The following DCDC2 variants were observed in gnomAD, a reference collection of about 807,000 sequenced individuals.
DCDC2 encodes the protein doublecortin domain-containing protein 2.
Under a neutral mutation model 50.2 loss-of-function variants are expected in DCDC2, and 40 were observed. The observed-to-expected ratio is 0.80, with a 90% confidence interval of 0.62 to 1.04. The LOEUF (loss-of-function observed/expected upper bound fraction) is 1.04. DCDC2 is among the 50% of genes least tolerant of loss of function. DCDC2 has a pLI of 0.00. For missense variants in DCDC2, 570 were observed against 581.9 expected, an observed-to-expected ratio of 0.98 and a Z score of 0.21; for synonymous variants, 234 against 210.6, an observed-to-expected ratio of 1.11 and a Z score of -0.96.
intron 7 of DCDC2, among the ~76,000 whole-genome samples, chr6:24,235,212 G>A (rs1209401187): frequency 2.0e-5 from 3 of 152,204 alleles, no homozygotes; most frequent in Non-Finnish European, 4.4e-5. Flanking sequence ...AGAACACTGA[G>A]TTCTCTCAAA....
chr6:24,273,097 T>C (rs1006842108), intron 7 of DCDC2, among the ~76,000 whole-genome samples: 3 of 151,868 alleles, frequency 2.0e-5, no homozygotes, highest in African/African-American at 7.3e-5. Context: ...AGTAAAATAC[T>C]ATTCAGTCAT....
At chr6:24,246,733 C>A (rs759342803) in intron 7 of DCDC2, among the ~76,000 whole-genome samples, 1 of 151,886 alleles carries the variant, frequency 6.6e-6, no homozygotes, top group African/African-American at 2.4e-5. Context: ...GTGATCTGCC[C>A]GCCTCAACCT....
chr6:24,262,598 T>A (rs1763035445), intron 7 of DCDC2, among the ~76,000 whole-genome samples: 1 of 152,134 alleles, frequency 6.6e-6, no homozygotes, highest in Non-Finnish European at 1.5e-5. Flanking sequence ...TTGGGAGAGA[T>A]TCCTTCTTTC....
chr6:24,383,090 G>A, the DCDC2 span, among the ~76,000 whole-genome samples: 1 of 152,178 alleles, frequency 6.6e-6, no homozygotes, highest in Non-Finnish European at 1.5e-5. Flanking sequence ...ACTTTGGGAG[G>A]CCGAGGCAGT....
chr6:24,218,956 T>A (rs1309445872), intron 7 of DCDC2, among the ~76,000 whole-genome samples: 3 of 152,238 alleles, frequency 2.0e-5, no homozygotes, highest in African/African-American at 7.2e-5. Flanking sequence ...ATATCCTTGC[T>A]TCTTTCTTAA....
intron 8 of DCDC2, among the ~76,000 whole-genome samples, chr6:24,194,936 C>T (rs762157224): frequency 6.6e-6 from 1 of 152,096 alleles, no homozygotes; most frequent in Non-Finnish European, 1.5e-5. Flanking sequence ...GAAGTACTAC[C>T]AGGTCCATCA....
intron 9 of DCDC2, among the ~76,000 whole-genome samples, chr6:24,178,087 T>C (rs1034450516): frequency 2.7e-4 from 41 of 152,170 alleles, no homozygotes; most frequent in African/African-American, 9.7e-4. Context: ...AGTAGATGGA[T>C]GGGTCAATGG....
rs573386193 is a variant in DCDC2, at chr6:24,291,182, GTAAA to G, written c.558-108_558-105del. ...ATGTCAAAAAAATTAAAATTACATA[GTAAA>G]TAAAAACATTCTGTACTTAATTTAG... On this transcript the variant is annotated intron_variant, in intron 4 of 9. Transcript: ENST00000378454. 3.8e-4 allele frequency: 441 copies of G among 1,159,586 alleles called. No individual in the cohort carries two copies. The African/African-American group carries it at 4.2e-3, about 11-fold the overall frequency. 71.8% of individuals were successfully genotyped at this position (1,159,586 alleles called of 1,614,324 possible). A position where few individuals can be genotyped will look rare whatever the true frequency, so the allele number is the denominator to read the frequency against.
intron 2 of DCDC2, among the ~76,000 whole-genome samples, chr6:24,332,882 A>G (rs1759990997): frequency 6.6e-6 from 1 of 152,190 alleles, no homozygotes. Context: ...CAGGCATGGT[A>G]TCTAACCTCT....
chr6:24,382,064 C>A, the DCDC2 span, among the ~76,000 whole-genome samples: 12 of 152,030 alleles, frequency 7.9e-5, no homozygotes, highest in African/African-American at 2.4e-4. Flanking sequence ...ATTTCACAGT[C>A]CAGCCATGGG....
At chr6:24,310,667 G>C in intron 2 of DCDC2, among the ~76,000 whole-genome samples, 1 of 152,086 alleles carries the variant, frequency 6.6e-6, no homozygotes, top group East Asian at 1.9e-4. Context: ...CACCAAATCT[G>C]TATACCCAGC....
At chr6:24,275,776 A>G (rs1216301811) in intron 7 of DCDC2, among the ~76,000 whole-genome samples, 1 of 152,150 alleles carries the variant, frequency 6.6e-6, no homozygotes, top group Non-Finnish European at 1.5e-5. Context: ...CTTCAATAAT[A>G]AACACTTTTT....
Position 24,174,740 on chromosome 6 carries a change from G to A in DCDC2, c.1421C>T (p.Ala474Val). Residue 474 changes from alanine (A) to valine (V), a missense_variant, in exon 10 of 10, where the codon GCC becomes GTC. Transcript: ENST00000378454. ...CTTTTTAAAAATGTTCTAAGCCACGGCAGCATAGTCCTTGTTTTGTTGGTT... is the reference window on the plus strand; with the variant it reads ...CTTTTTAAAAATGTTCTAAGCCACGACAGCATAGTCCTTGTTTTGTTGGTT... ...ENNQQNKDYAAVA is the reference protein window; with the variant it reads ...ENNQQNKDYAVVA 6.2e-7 allele frequency: 1 copy of A among 1,611,134 alleles called. No individual in the cohort carries two copies. Among genetic ancestry groups the A allele is most frequent in the Non-Finnish European group, 8.5e-7 (1 of 1,177,862 alleles).
chr6:24,204,996 G>A lies in DCDC2; in HGVS notation c.1023+6C>T. On this transcript the variant is annotated splice_donor_region_variant and intron_variant, in intron 8 of 9. Transcript: ENST00000378454. ...TTACACATATTTTTTAAGGCATGGA[G>A]ATTACCTGATCGACTGGAACCTCAA... 1 of 1,612,432 alleles carries A rather than the reference G, an allele frequency of 6.2e-7. No homozygotes were observed. Among genetic ancestry groups the A allele is most frequent in the Non-Finnish European group, 8.5e-7 (1 of 1,178,988 alleles).
intron 2 of DCDC2, among the ~76,000 whole-genome samples, chr6:24,346,333 C>G (rs1308851825): frequency 6.6e-6 from 1 of 152,134 alleles, no homozygotes; most frequent in East Asian, 1.9e-4. Context: ...TGGCCACAGG[C>G]TGGAGCCTGA....
chr6:24,325,140 G>T (rs1201099136), intron 2 of DCDC2, among the ~76,000 whole-genome samples: 1 of 150,220 alleles, frequency 6.7e-6, no homozygotes, highest in African/African-American at 2.4e-5. Flanking sequence ...AGAATCTCCA[G>T]AGCCCCGTGG....
At chr6:24,215,154 C>T (rs535487615) in intron 7 of DCDC2, among the ~76,000 whole-genome samples, 131 of 152,160 alleles carry the variant, frequency 8.6e-4, no homozygotes, top group African/African-American at 2.8e-3. Context: ...CTGTGAGAGA[C>T]GGAAGCTACA....
At chr6:24,373,044 AC>A in the DCDC2 span, among the ~76,000 whole-genome samples, 7 of 152,210 alleles carry the variant, frequency 4.6e-5, no homozygotes, top group East Asian at 9.6e-4. Context: ...TCAAACTAAA[AC>A]CTCCAATATT....
intron 8 of DCDC2, among the ~76,000 whole-genome samples, chr6:24,185,244 C>T (rs1458853896): frequency 6.6e-6 from 1 of 152,134 alleles, no homozygotes; most frequent in Non-Finnish European, 1.5e-5. Context: ...GGCCCTGTCT[C>T]ATAGTCATTA....
Sources: allele counts gnomAD v4.1 joint callset (sites outside exome capture counted in the v4.1 genomes callset), GRCh38; gene constraint gnomAD v4.1.1; transcripts MANE v1.5; gene names NCBI Gene and HGNC (gene_info 2026-07-23, HGNC 2026-07-21).